FAM234B: variants seen among roughly 807,000 people sequenced by gnomAD.
FAM234B encodes family with sequence similarity 234 member B, also known as protein FAM234B.
FAM234B carries 33 observed loss-of-function variants against 69.3 expected under a neutral mutation model. The observed-to-expected ratio is 0.48, with a 90% CI of 0.36 to 0.64. FAM234B has a LOEUF of 0.64. Ranked by LOEUF, FAM234B falls within the 30% of genes least tolerant of loss-of-function variation. FAM234B has a pLI of 0.00. For missense variants in FAM234B, 697 were observed against 769.7 expected, an observed-to-expected ratio of 0.91 and a Z score of 1.12; for synonymous variants, 306 against 306.9, an observed-to-expected ratio of 1.00 and a Z score of 0.03.
chr12:13,049,339 G>C (rs537249998), intron 1 of FAM234B, among the ~76,000 whole-genome samples: 1 of 152,128 alleles, frequency 6.6e-6, no homozygotes, highest in East Asian at 1.9e-4. Context: ...GCCACCACAC[G>C]TGGCAAATTT....
intron 11 of FAM234B, 80 bp from the exon 12 acceptor site, chr12:13,079,709 G>A (rs1173796302): frequency 2.4e-6 from 2 of 840,962 alleles, no homozygotes; most frequent in East Asian, 5.0e-5. Flanking sequence ...GTAAATAAAT[G>A]TATTGTTGAA....
chr12:13,073,043 T>C (rs1865124115), intron 10 of FAM234B, among the ~76,000 whole-genome samples: 1 of 152,252 alleles, frequency 6.6e-6, no homozygotes, highest in South Asian at 2.1e-4. Context: ...AGGAACATTG[T>C]TGTGATGGAG....
intron 10 of FAM234B, among the ~76,000 whole-genome samples, chr12:13,073,769 G>T (rs1227070954): frequency 6.6e-6 from 1 of 152,228 alleles, no homozygotes; most frequent in Non-Finnish European, 1.5e-5. Flanking sequence ...GGTGTCTTCA[G>T]TGGTGGCTAT....
chr12:13,048,993 A>G (rs1226716703), intron 1 of FAM234B, among the ~76,000 whole-genome samples: 5 of 152,320 alleles, frequency 3.3e-5, no homozygotes, highest in South Asian at 2.1e-4. Flanking sequence ...TGATTCAGTT[A>G]TCTCCCACTG....
At chr12:13,063,016 T>C (rs1248247456) in intron 5 of FAM234B, 41 bp downstream of exon 5, 5 of 1,603,498 alleles carry the variant, frequency 3.1e-6, no homozygotes, top group Non-Finnish European at 4.3e-6. Context: ...TTATAGGGAC[T>C]GCTTCTATTT....
intron 11 of FAM234B, among the ~76,000 whole-genome samples, chr12:13,076,997 T>C (rs543154659): frequency 7.9e-5 from 12 of 152,340 alleles, no homozygotes; most frequent in East Asian, 3.9e-4. Flanking sequence ...TACAAACTCA[T>C]TGGCCTTGGG....
intron 10 of FAM234B, among the ~76,000 whole-genome samples, chr12:13,072,316 A>G (rs1310194803): frequency 6.6e-6 from 1 of 152,194 alleles, no homozygotes; most frequent in East Asian, 1.9e-4. Flanking sequence ...TCTAGATTGT[A>G]TTTCTAACTC....
rs776917954 is a variant in FAM234B, at chr12:13,058,424, C to T, written c.434-27C>T. ...TGGTTTGTGGTAACTTGCTCAGGAC[C>T]TTTTTGGTTTTTTATGTGTATAACA... On this transcript the variant is annotated intron_variant, in intron 2 of 12. Coordinates refer to ENST00000197268, the MANE Select transcript of FAM234B (RefSeq NM_020853.2). 2.5e-6 allele frequency: 4 copies of T among 1,599,158 alleles called. No homozygotes were observed. In the East Asian group the frequency reaches 6.7e-5, roughly 27 times the overall value.
rs181333839 is a variant in FAM234B at position 13,068,830 on chromosome 12, G to C, written c.1368+119G>C. The C allele has an allele frequency of 5.5e-5, 36 of 649,008 alleles. No homozygotes were observed. In the African/African-American group the frequency reaches 6.3e-4, roughly 11 times the overall value. 40.2% of individuals were successfully genotyped at this position (649,008 alleles called of 1,614,324 possible). A position where few individuals can be genotyped will look rare whatever the true frequency, so the allele number is the denominator to read the frequency against. On this transcript the variant is annotated intron_variant, in intron 9 of 12. Coordinates refer to ENST00000197268, the MANE Select transcript of FAM234B (RefSeq NM_020853.2). The stretch of plus-strand genomic sequence containing the variant: ...CTAAAATATGATCTCTAACTTCAAA[G>C]AACTCAAAGTCTCATTGAGTGGATA...
intron 7 of FAM234B, 54 bp from the exon 8 acceptor site, chr12:13,068,250 C>T (rs1865061801): frequency 6.2e-7 from 1 of 1,607,388 alleles, no homozygotes; most frequent in African/African-American, 1.3e-5. Context: ...AAGTAAATGG[C>T]TCAGAAATCT....
chr12:13,070,817 G>A (rs2120493586), intron 9 of FAM234B, among the ~76,000 whole-genome samples: 1 of 152,186 alleles, frequency 6.6e-6, no homozygotes, highest in East Asian at 1.9e-4. Flanking sequence ...ATTGTTTTCT[G>A]AGTGACTGCT....
intron 1 of FAM234B, among the ~76,000 whole-genome samples, chr12:13,054,420 T>G (rs1011947061): frequency 6.6e-6 from 1 of 152,226 alleles, no homozygotes; most frequent in Non-Finnish European, 1.5e-5. Context: ...CGCAACAATC[T>G]GGTCTCCATA....
chr12:13,077,324 G>T (rs1021637486), intron 11 of FAM234B, among the ~76,000 whole-genome samples: 1 of 151,300 alleles, frequency 6.6e-6, no homozygotes, highest in African/African-American at 2.4e-5. Flanking sequence ...CAATGTGCAG[G>T]TTAGTTACAT....
At chr12:13,079,386 A>G (rs951124216) in intron 11 of FAM234B, among the ~76,000 whole-genome samples, 1 of 152,228 alleles carries the variant, frequency 6.6e-6, no homozygotes, top group African/African-American at 2.4e-5. Context: ...TACAACTTGT[A>G]TTTTAAAGAT....
chr12:13,075,874 T>G (rs926828699), intron 10 of FAM234B, 152 bp from the exon 11 acceptor site: 2 of 705,366 alleles, frequency 2.8e-6, no homozygotes, highest in Non-Finnish European at 5.2e-6. Context: ...CAGGGGAGTT[T>G]CTTTCAAACA....
At chr12:13,079,319 G>C (rs553567183) in intron 11 of FAM234B, among the ~76,000 whole-genome samples, 2 of 152,286 alleles carry the variant, frequency 1.3e-5, no homozygotes, top group South Asian at 4.1e-4. Flanking sequence ...AATGGTGCTG[G>C]GAAAACTGGC....
At chr12:13,047,587 T>C in intron 1 of FAM234B, among the ~76,000 whole-genome samples, 1 of 152,250 alleles carries the variant, frequency 6.6e-6, no homozygotes, top group Non-Finnish European at 1.5e-5. Flanking sequence ...TCTACCATTT[T>C]GGAAATCCTA....
chr12:13,076,243 G>T, intron 11 of FAM234B, 100 bp downstream of exon 11: 1 of 913,192 alleles, frequency 1.1e-6, no homozygotes, highest in Non-Finnish European at 1.8e-6. Flanking sequence ...GGAAGGATGT[G>T]TGCTTCTCAG....
At chr12:13,056,330 C>G (rs1428477628) in intron 2 of FAM234B, among the ~76,000 whole-genome samples, 1 of 152,212 alleles carries the variant, frequency 6.6e-6, no homozygotes, top group Non-Finnish European at 1.5e-5. Flanking sequence ...AACCCTTTGA[C>G]ATTCTTTGAT....
Sources: allele counts gnomAD v4.1 joint callset (sites outside exome capture counted in the v4.1 genomes callset), GRCh38; gene constraint gnomAD v4.1.1; transcripts MANE v1.5; gene names NCBI Gene and HGNC (gene_info 2026-07-23, HGNC 2026-07-21).